Variants in SLC24A2 observed in about 807,000 individuals in gnomAD.
SLC24A2 encodes solute carrier family 24 member 2, also known as sodium/potassium/calcium exchanger 2.
In SLC24A2, 36 loss-of-function variants were observed where a neutral mutation model predicts 62.0. The ratio of observed to expected loss-of-function variants is 0.58; its 90% CI spans 0.44 to 0.77. SLC24A2 has a LOEUF of 0.77. Ranked by LOEUF, SLC24A2 falls within the 30% of genes least tolerant of loss-of-function variation. The pLI is 0.00. For synonymous variants in SLC24A2, 358 were observed against 294.0 expected, an observed-to-expected ratio of 1.22 and a Z score of -2.23; for missense variants, 846 against 817.9, an observed-to-expected ratio of 1.03 and a Z score of -0.42.
At chr9:20,010,983 C>T in the SLC24A2 span, among the ~76,000 whole-genome samples, 86 of 152,142 alleles carry the variant, frequency 5.7e-4, 1 homozygote, top group African/African-American at 2.0e-3. Flanking sequence ...TGTATATGTG[C>T]CACATTTTCT....
chr9:19,532,296 A>G (rs2132674072), intron 8 of SLC24A2, among the ~76,000 whole-genome samples: 1 of 152,098 alleles, frequency 6.6e-6, no homozygotes, highest in South Asian at 2.1e-4. Flanking sequence ...GGGTTTCTCT[A>G]TGTTGGTCAG....
intron 7 of SLC24A2, among the ~76,000 whole-genome samples, chr9:19,553,224 C>T (rs148255943): frequency 2.8e-3 from 425 of 152,280 alleles, no homozygotes; most frequent in African/African-American, 9.8e-3. Flanking sequence ...AATACTGTTC[C>T]AAGTTTGAGG....
the SLC24A2 span, among the ~76,000 whole-genome samples, chr9:20,119,117 C>T: frequency 1.3e-5 from 2 of 152,068 alleles, no homozygotes; most frequent in Admixed American, 6.6e-5. Flanking sequence ...GAAGCTAAGG[C>T]CCTCAATTGT....
chr9:19,573,529 C>CACACACACACACACAG (rs1390433234), intron 6 of SLC24A2, 60 bp from the exon 7 acceptor site: 57 of 432,630 alleles, frequency 1.3e-4, no homozygotes, highest in Non-Finnish European at 1.6e-4. Flanking sequence ...CACACACACA[C>CACACACACACACACAG]AGAGAGAGAG....
intron 9 of SLC24A2, among the ~76,000 whole-genome samples, chr9:19,527,439 T>C (rs1833491800): frequency 2.0e-5 from 3 of 152,354 alleles, no homozygotes; most frequent in Middle Eastern, 6.8e-3. Flanking sequence ...ATGTGAATTG[T>C]TGGGTGTGTA....
At chr9:19,817,442 A>G in the SLC24A2 span, among the ~76,000 whole-genome samples, 1 of 151,988 alleles carries the variant, frequency 6.6e-6, no homozygotes, top group South Asian at 2.1e-4. Flanking sequence ...CCATTGGATG[A>G]CTTTATATAT....
the SLC24A2 span, among the ~76,000 whole-genome samples, chr9:19,837,175 G>A: frequency 9.9e-5 from 15 of 152,022 alleles, no homozygotes; most frequent in South Asian, 4.1e-4. Context: ...CACAAGGGCC[G>A]GGTGCGGTGG....
At chr9:20,035,489 C>G in the SLC24A2 span, among the ~76,000 whole-genome samples, 5 of 152,146 alleles carry the variant, frequency 3.3e-5, no homozygotes, top group African/African-American at 1.2e-4. Context: ...CATGGTGGCT[C>G]ACACCTATAA....
At chr9:19,723,277 T>C (rs1821080337) in intron 2 of SLC24A2, among the ~76,000 whole-genome samples, 1 of 152,172 alleles carries the variant, frequency 6.6e-6, no homozygotes, top group African/African-American at 2.4e-5. Context: ...GTCATTTGCT[T>C]TCTTATTCTA....
intron 2 of SLC24A2, among the ~76,000 whole-genome samples, chr9:19,663,981 T>A (rs1819177479): frequency 6.6e-6 from 1 of 152,264 alleles, no homozygotes; most frequent in South Asian, 2.1e-4. Flanking sequence ...ATGGCAAAGC[T>A]GCTCTTAGCT....
intron 7 of SLC24A2, among the ~76,000 whole-genome samples, chr9:19,558,887 G>A (rs893898204): frequency 6.6e-6 from 1 of 152,212 alleles, no homozygotes; most frequent in African/African-American, 2.4e-5. Context: ...TATATAGTGA[G>A]TGTGTGGGAG....
In SLC24A2 at chr9:19,646,211, ATCT is replaced by A. The variant is rs535217630; in HGVS notation, c.931-23915_931-23913del. 3.1e-3 allele frequency among the ~76,000 whole-genome samples: 470 copies of A among 152,304 alleles called. 2 individuals are homozygous for A. Among genetic ancestry groups the A allele is most frequent in the Non-Finnish European group, 5.7e-3 (389 of 68,004 alleles). Reference sequence around the variant, plus strand: ...TATCAGTATGTTCTGGTGCCTATAAATCTTCTTAGATGCTTCTTTTCCTCACAA... The same window carrying A: ...TATCAGTATGTTCTGGTGCCTATAAATCTTAGATGCTTCTTTTCCTCACAA... On this transcript the variant is annotated intron_variant, in intron 2 of 10. Transcript: ENST00000341998.
At chr9:19,770,625 G>A (rs1336843410) in intron 2 of SLC24A2, among the ~76,000 whole-genome samples, 1 of 152,178 alleles carries the variant, frequency 6.6e-6, no homozygotes. Context: ...TCCTGATGGA[G>A]AAAATTGGAA....
chr9:20,060,062 G>T, the SLC24A2 span, among the ~76,000 whole-genome samples: 1 of 151,932 alleles, frequency 6.6e-6, no homozygotes, highest in Non-Finnish European at 1.5e-5. Context: ...AGATGAAATG[G>T]ACAAATTCCT....
the SLC24A2 span, among the ~76,000 whole-genome samples, chr9:20,071,819 A>G: frequency 2.6e-5 from 4 of 152,244 alleles, no homozygotes; most frequent in Admixed American, 6.5e-5. Context: ...ACTTCTGACC[A>G]ATAGTCTTCA....
chr9:19,518,425 C>CT (rs59805848), intron 10 of SLC24A2, among the ~76,000 whole-genome samples: 2,441 of 141,168 alleles, frequency 0.017, 38 homozygotes, highest in African/African-American at 0.042. Flanking sequence ...CTTTTCTTTT[C>CT]TTTTTTTTTT....
the SLC24A2 span, among the ~76,000 whole-genome samples, chr9:20,018,833 A>C: frequency 5.0e-3 from 762 of 152,078 alleles, 7 homozygotes; most frequent in South Asian, 0.025. Flanking sequence ...GAAGGCCAAG[A>C]CTGGAGGATT....
Position 19,641,670 on chromosome 9 carries a change from G to A in SLC24A2, c.931-19371C>T, listed in dbSNP as rs142254584. On this transcript the variant is annotated intron_variant, in intron 2 of 10. Coordinates refer to ENST00000341998, the MANE Select transcript of SLC24A2 (RefSeq NM_020344.4). ...GCTGGGACCACAGGTGCGTGCCACC[G>A]TGCCCGGCTAATTTTTGTAGTTTTA... 5.1e-4 allele frequency among the ~76,000 whole-genome samples: 78 copies of A among 152,080 alleles called. 1 individual carries two copies. Among genetic ancestry groups the A allele is most frequent in the African/African-American group, 1.9e-3 (77 of 41,490 alleles).
At chr9:19,932,584 G>A in the SLC24A2 span, among the ~76,000 whole-genome samples, 23 of 152,142 alleles carry the variant, frequency 1.5e-4, no homozygotes, top group Non-Finnish European at 3.1e-4. Flanking sequence ...GTGACTCACG[G>A]TTATGAGAAT....
Sources: gnomAD v4.1 joint callset for allele counts (sites outside exome capture counted in the v4.1 genomes callset) on GRCh38, gnomAD v4.1.1 for gene constraint, MANE v1.5 for transcripts, NCBI Gene and HGNC (gene_info 2026-07-23, HGNC 2026-07-21) for gene names.